CSMD1: variants seen among roughly 807,000 people sequenced by gnomAD.
CSMD1 encodes the protein CUB and Sushi multiple domains 1.
CSMD1 carries 213 observed loss-of-function variants against 417.5 expected under a neutral mutation model. The ratio of observed to expected loss-of-function variants is 0.51; its 90% CI spans 0.46 to 0.57. The LOEUF (loss-of-function observed/expected upper bound fraction) is 0.57. Among genes scored for constraint, CSMD1 ranks in the 20% least tolerant of loss-of-function variants. CSMD1 has a pLI of 0.00. For synonymous variants in CSMD1, 2,862 were observed against 1,736.8 expected (o/e 1.65, Z -16.11); for missense variants, 6,923 against 4,529.7 (o/e 1.53, Z -15.17).
chr8:3,909,049 G>A (rs981622589), intron 5 of CSMD1, among the ~76,000 whole-genome samples: 1 of 152,174 alleles, frequency 6.6e-6, no homozygotes, highest in African/African-American at 2.4e-5. Flanking sequence ...GTGAAATGCG[G>A]GGAGCAGCTG....
Position 4,255,556 on chromosome 8 carries a change from CTAGA to C in CSMD1, c.415+164393_415+164396del, listed in dbSNP as rs559813430. 3.7e-3 allele frequency among the ~76,000 whole-genome samples: 560 copies of C among 152,240 alleles called. 9 individuals carry two copies. The highest frequency in any genetic ancestry group is 0.013 in the African/African-American group (555 of 41,534). ...TCGCAATCACTTTTGTTTTTATCTT[CTAGA>C]TAGAATTTTTTCTAAGACACAGAAA... On this transcript the variant is annotated intron_variant, in intron 3 of 69. Transcript: ENST00000635120.
intron 3 of CSMD1, among the ~76,000 whole-genome samples, chr8:4,227,359 G>A (rs1224665644): frequency 6.6e-6 from 1 of 152,070 alleles, no homozygotes; most frequent in Non-Finnish European, 1.5e-5. Context: ...GAGGTCTATT[G>A]TCTAACATTT....
intron 2 of CSMD1, among the ~76,000 whole-genome samples, chr8:4,478,761 A>C (rs1167609002): frequency 1.3e-5 from 2 of 152,230 alleles, no homozygotes; most frequent in African/African-American, 4.8e-5. Context: ...AATTCATAAA[A>C]TATGTAACAA....
chr8:4,968,515 T>G (rs1810025184), intron 1 of CSMD1, among the ~76,000 whole-genome samples: 1 of 152,096 alleles, frequency 6.6e-6, no homozygotes, highest in Non-Finnish European at 1.5e-5. Context: ...AAAAACTAAT[T>G]TCCACCTGCA....
At chr8:4,074,895 G>A (rs1284278557) in intron 3 of CSMD1, among the ~76,000 whole-genome samples, 1 of 151,912 alleles carries the variant, frequency 6.6e-6, no homozygotes, top group Non-Finnish European at 1.5e-5. Context: ...CTTCCACGTG[G>A]CAGAAGTAGT....
intron 41 of CSMD1, among the ~76,000 whole-genome samples, chr8:3,123,116 A>G (rs1163532265): frequency 6.6e-6 from 1 of 152,198 alleles, no homozygotes; most frequent in Non-Finnish European, 1.5e-5. Flanking sequence ...ATGCTTAGAA[A>G]TCTAAGCTGA....
intron 3 of CSMD1, among the ~76,000 whole-genome samples, chr8:4,206,977 A>G (rs1800016652): frequency 6.6e-6 from 1 of 152,198 alleles, no homozygotes; most frequent in Non-Finnish European, 1.5e-5. Flanking sequence ...TGTGGATAAA[A>G]TTATAAATCT....
intron 41 of CSMD1, among the ~76,000 whole-genome samples, chr8:3,123,751 G>A (rs1273305738): frequency 1.3e-5 from 2 of 152,120 alleles, no homozygotes; most frequent in African/African-American, 4.8e-5. Flanking sequence ...TCAATTACCA[G>A]AATACAATAT....
At chr8:4,536,061 T>C (rs1040151732) in intron 2 of CSMD1, among the ~76,000 whole-genome samples, 1 of 152,202 alleles carries the variant, frequency 6.6e-6, no homozygotes, top group African/African-American at 2.4e-5. Flanking sequence ...TTCCTCAGTG[T>C]TTTCATAGGG....
Position 4,514,486 on chromosome 8 carries a change from C to T in CSMD1, c.303-94421G>A, listed in dbSNP as rs573986548. On this transcript the variant is annotated intron_variant, in intron 2 of 69. Coordinates refer to ENST00000635120, the MANE Select transcript of CSMD1 (RefSeq NM_033225.6). ...AGCATCCTGATGATTCTCCAGGTGA[C>T]GCACACATGGGAATCAACGAAGAGG... 7.2e-5 allele frequency among the ~76,000 whole-genome samples: 11 copies of T among 152,184 alleles called. No homozygotes were observed. In the South Asian group the frequency reaches 1.0e-3, roughly 14 times the overall value.
At chr8:2,942,036 C>G (rs1228828337) in intron 69 of CSMD1, among the ~76,000 whole-genome samples, 1 of 152,150 alleles carries the variant, frequency 6.6e-6, no homozygotes, top group Non-Finnish European at 1.5e-5. Flanking sequence ...GGGCAGAAAA[C>G]AACAGAAAGG....
chr8:4,421,155 C>T (rs1240304289), intron 2 of CSMD1, among the ~76,000 whole-genome samples: 2 of 152,136 alleles, frequency 1.3e-5, no homozygotes, highest in African/African-American at 4.8e-5. Context: ...AAACCATTGT[C>T]ATACCAGAAG....
chr8:4,686,690 C>T (rs999877323), intron 1 of CSMD1, among the ~76,000 whole-genome samples: 4 of 152,222 alleles, frequency 2.6e-5, no homozygotes, highest in East Asian at 1.9e-4. Context: ...CTTACGAAGG[C>T]TCATATTACA....
intron 1 of CSMD1, among the ~76,000 whole-genome samples, chr8:4,806,079 C>T (rs1024706063): frequency 2.0e-5 from 3 of 152,026 alleles, no homozygotes; most frequent in Non-Finnish European, 4.4e-5. Context: ...ATTTACAGAC[C>T]CACAATCTCT....
chr8:4,447,105 C>G (rs970830587), intron 2 of CSMD1, among the ~76,000 whole-genome samples: 2 of 152,044 alleles, frequency 1.3e-5, no homozygotes, highest in East Asian at 1.9e-4. Flanking sequence ...GGAAAAGGTA[C>G]TTACTTAAAT....
chr8:3,994,595 A>C (rs1448811358), intron 5 of CSMD1, among the ~76,000 whole-genome samples: 9 of 152,142 alleles, frequency 5.9e-5, no homozygotes, highest in Non-Finnish European at 1.5e-5. Flanking sequence ...TAGGAAGCCA[A>C]CCTGCATGAA....
intron 1 of CSMD1, among the ~76,000 whole-genome samples, chr8:4,855,600 A>G (rs900066351): frequency 6.6e-6 from 1 of 152,254 alleles, no homozygotes; most frequent in African/African-American, 2.4e-5. Flanking sequence ...CCAAGGCGCG[A>G]GAACTACGTG....
At chr8:4,115,035 A>T (rs192711726) in intron 3 of CSMD1, among the ~76,000 whole-genome samples, 11 of 152,350 alleles carry the variant, frequency 7.2e-5, no homozygotes, top group Admixed American at 4.6e-4. Context: ...GTTTGAAAGA[A>T]TTGATTCAAA....
chr8:4,177,843 A>T (rs1476247104), intron 3 of CSMD1, among the ~76,000 whole-genome samples: 1 of 151,840 alleles, frequency 6.6e-6, no homozygotes, highest in Non-Finnish European at 1.5e-5. Context: ...AAATGGATAA[A>T]TTCCTCGACA....
Sources: allele counts gnomAD v4.1 joint callset (sites outside exome capture counted in the v4.1 genomes callset), GRCh38; gene constraint gnomAD v4.1.1; transcripts MANE v1.5; gene names NCBI Gene and HGNC (gene_info 2026-07-23, HGNC 2026-07-21).